ITSN1: variants seen among roughly 807,000 people sequenced by gnomAD.
The protein encoded by ITSN1 is intersectin-1.
ITSN1 carries 58 observed loss-of-function variants against 239.8 expected under a neutral mutation model. The observed-to-expected ratio is 0.24, with a 90% CI of 0.20 to 0.30. The LOEUF (loss-of-function observed/expected upper bound fraction) is 0.30. Among genes scored for constraint, ITSN1 ranks in the 10% least tolerant of loss-of-function variants. The pLI, the probability that ITSN1 is intolerant of heterozygous loss-of-function variation, is 1.00. For missense variants in ITSN1, 1,558 were observed against 2,103.3 expected (o/e 0.74, Z 5.07); for synonymous variants, 780 against 770.8 (o/e 1.01, Z -0.20).
At position 33,866,430 on chromosome 21, in the gene ITSN1, G is replaced by A. The variant is rs377511071; in HGVS notation, c.4075-803G>A. The stretch of plus-strand genomic sequence containing the variant: ...GAGCAAGATGAGTTCATTGTTGGAT[G>A]CACTTGAACTTCAGGAAAGTGCTGA... On this transcript the variant is annotated intron_variant, in intron 32 of 39. Transcript: ENST00000381318. Among the ~76,000 whole-genome samples the A allele has an allele frequency of 8.3e-4, 127 of 152,338 alleles. 3 individuals are homozygous for A. The South Asian group carries it at 0.024, about 28-fold the overall frequency.
intron 1 of ITSN1, among the ~76,000 whole-genome samples, chr21:33,658,833 A>G (rs1248523014): frequency 6.6e-6 from 1 of 152,164 alleles, no homozygotes; most frequent in Non-Finnish European, 1.5e-5. Flanking sequence ...ATAATTTTAT[A>G]TCATTTTGTT....
At chr21:33,713,030 AC>A in intron 1 of ITSN1, among the ~76,000 whole-genome samples, 1 of 151,876 alleles carries the variant, frequency 6.6e-6, no homozygotes, top group Admixed American at 6.6e-5. Context: ...AGTGCCCACC[AC>A]CACGCCCATC....
chr21:33,874,128 C>A (rs1005336665), intron 33 of ITSN1, among the ~76,000 whole-genome samples: 15 of 145,904 alleles, frequency 1.0e-4, no homozygotes, highest in Admixed American at 2.1e-4. Context: ...TGCATTCCAG[C>A]CTGGGCAACA....
At chr21:33,854,847 G>A (rs1278099829) in intron 29 of ITSN1, among the ~76,000 whole-genome samples, 2 of 152,280 alleles carry the variant, frequency 1.3e-5, no homozygotes, top group East Asian at 3.9e-4. Context: ...CAGGGCAGGG[G>A]ACTCTGAGTG....
In ITSN1 at chr21:33,894,435, G is replaced by A. The variant is rs1025581350; in HGVS notation, c.*6135G>A. 6 of 151,782 alleles carry A rather than the reference G, an allele frequency of 4.0e-5. No individual in the cohort carries two copies. The highest frequency in any genetic ancestry group is 3.9e-4 in the Admixed American group (6 of 15,238). The allele number at this position is 151,782 out of a possible 1,614,324, so 9.4% of individuals were successfully genotyped here. ...GTTGTGTTTTAATAGGATTCTGTTC[G>A]ATTTTCTATACCAGCCTATATTGTT... On this transcript the variant is annotated 3_prime_UTR_variant, in exon 40 of 40. Coordinates refer to ENST00000381318, the MANE Select transcript of ITSN1 (RefSeq NM_003024.3).
intron 1 of ITSN1, among the ~76,000 whole-genome samples, chr21:33,717,700 C>A (rs1436979037): frequency 6.6e-6 from 1 of 151,380 alleles, no homozygotes; most frequent in South Asian, 2.1e-4. Context: ...GGACTACAGG[C>A]GCCCGCCACC....
At chr21:33,823,390 C>T in intron 24 of ITSN1, 97 bp from the exon 25 acceptor site, 1 of 1,091,196 alleles carries the variant, frequency 9.2e-7, no homozygotes, top group Non-Finnish European at 1.4e-6. Flanking sequence ...TGGATCTTGT[C>T]CTAACTTCCT....
intron 1 of ITSN1, among the ~76,000 whole-genome samples, chr21:33,681,920 G>A (rs946246414): frequency 3.3e-5 from 5 of 151,616 alleles, no homozygotes; most frequent in East Asian, 2.0e-4. Flanking sequence ...CACCCGTCTC[G>A]GCCTCCCAAA....
Position 33,685,984 on chromosome 21 carries a change from A to G in ITSN1, c.-32-32813A>G, listed in dbSNP as rs191763818. ...CCAATTTTGCCATACTTGTTTGTGC[A>G]TTCTTAAGAGTTTAGTACTTAAGCA... On this transcript the variant is annotated intron_variant, in intron 1 of 39. Transcript: ENST00000381318. 2.1e-3 allele frequency among the ~76,000 whole-genome samples: 320 copies of G among 152,350 alleles called. 5 individuals carry two copies. The highest frequency in any genetic ancestry group is 7.7e-3 in the South Asian group (37 of 4,832).
chr21:33,868,129 A>G (rs1357616431), intron 33 of ITSN1, among the ~76,000 whole-genome samples: 1 of 152,154 alleles, frequency 6.6e-6, no homozygotes, highest in Non-Finnish European at 1.5e-5. Flanking sequence ...CCCCACCCAC[A>G]TCCTGCTGAT....
At chr21:33,887,040 G>A (rs2148572361) in intron 39 of ITSN1, among the ~76,000 whole-genome samples, 1 of 152,236 alleles carries the variant, frequency 6.6e-6, no homozygotes, top group South Asian at 2.1e-4. Context: ...AATCACCGGT[G>A]GGCATGGTGC....
At chr21:33,868,596 G>C (rs564772218) in intron 33 of ITSN1, among the ~76,000 whole-genome samples, 2 of 152,196 alleles carry the variant, frequency 1.3e-5, no homozygotes, top group African/African-American at 4.8e-5. Flanking sequence ...CAGCAGGGCC[G>C]GCCGGCTGCT....
At chr21:33,716,618 G>A (rs916476687) in intron 1 of ITSN1, 4 of 152,232 alleles carry the variant, frequency 2.6e-5, no homozygotes, top group South Asian at 2.1e-4. Flanking sequence ...TGCCACCCAC[G>A]CTGAGCTTGG....
intron 27 of ITSN1, among the ~76,000 whole-genome samples, chr21:33,831,090 G>T (rs2074266458): frequency 6.6e-6 from 1 of 152,158 alleles, no homozygotes. Flanking sequence ...GCAGTTACTT[G>T]AGAGGTAAGC....
chr21:33,804,135 G>A (rs1441668233), intron 20 of ITSN1, among the ~76,000 whole-genome samples: 1 of 152,078 alleles, frequency 6.6e-6, no homozygotes, highest in African/African-American at 2.4e-5. Flanking sequence ...ACTTTTGTGG[G>A]CACAGTCATC....
At chr21:33,887,599 A>ATT (rs11441002) in intron 39 of ITSN1, among the ~76,000 whole-genome samples, 4 of 151,156 alleles carry the variant, frequency 2.6e-5, no homozygotes, top group South Asian at 4.2e-4. Context: ...TTTTCTTTTT[A>ATT]TTTTTTTTAT....
At chr21:33,726,046 TGCAATG>T (rs1260318923) in intron 4 of ITSN1, among the ~76,000 whole-genome samples, 3 of 152,304 alleles carry the variant, frequency 2.0e-5, no homozygotes, top group African/African-American at 7.2e-5. Flanking sequence ...CAGGCTGGAG[TGCAATG>T]GCACGATCTT....
intron 24 of ITSN1, among the ~76,000 whole-genome samples, chr21:33,820,026 A>G (rs1034751144): frequency 9.8e-5 from 15 of 152,324 alleles, no homozygotes; most frequent in Admixed American, 8.5e-4. Context: ...GTAACTACAC[A>G]GACCACTAGA....
At position 33,810,963 on chromosome 21, in the gene ITSN1, C is replaced by CT. The variant is rs766863479; in HGVS notation, c.2320-7dup. 4.3e-6 allele frequency: 7 copies of CT among 1,614,016 alleles called. No individual in the cohort carries two copies. The African/African-American group carries it at 8.0e-5, about 18-fold the overall frequency. On this transcript the variant is annotated splice_polypyrimidine_tract_variant and intron_variant, in intron 20 of 39. Transcript: ENST00000381318. ...AATTTAGTTCTACTTAAAGCTGTGA[C>CT]TTTTTCCACAGGTGGATGAAAGCCA... is the stretch of plus-strand genomic sequence containing the variant.
Sources: gnomAD v4.1 joint callset for allele counts (sites outside exome capture counted in the v4.1 genomes callset) on GRCh38, gnomAD v4.1.1 for gene constraint, MANE v1.5 for transcripts, NCBI Gene and HGNC (gene_info 2026-07-23, HGNC 2026-07-21) for gene names.